Variants in PTPN18 observed in about 807,000 individuals in gnomAD.
PTPN18 encodes the protein protein tyrosine phosphatase non-receptor type 18, also known as tyrosine-protein phosphatase non-receptor type 18.
A neutral mutation model predicts 65.4 loss-of-function variants in PTPN18; 65 were observed. That is an observed-to-expected ratio of 0.99 (90% CI 0.81 to 1.22). The LOEUF (loss-of-function observed/expected upper bound fraction) is 1.22. PTPN18 is among the 50% of genes most tolerant of loss of function. The pLI is 0.00. For missense variants in PTPN18, 616 were observed against 646.5 expected, an observed-to-expected ratio of 0.95 and a Z score of 0.51; for synonymous variants, 255 against 267.8, an observed-to-expected ratio of 0.95 and a Z score of 0.47.
chr2:130,359,308 G>A lies in PTPN18; in HGVS notation c.278G>A (p.Arg93Gln), dbSNP rs766427031. 10 of 1,614,094 alleles carry A rather than the reference G, an allele frequency of 6.2e-6. No individual in the cohort carries two copies. The highest frequency in any genetic ancestry group is 2.2e-5 in the East Asian group (1 of 44,898). ...GACTACATTAATGGCAACTTCATCC[G>A]GGTGAGGGTTGGGGTCACGGAAGGA... ...HSDYINGNFIRGVDGSLAYIA... is the reference protein window; with the variant it reads ...HSDYINGNFIQGVDGSLAYIA... The change falls in exon 3 of 15, where the codon CGG becomes CAG. Residue 93 changes from arginine to glutamine, a missense_variant and splice_region_variant. Around this residue, in one of 3 missense-constraint regions of PTPN18, gnomAD observed 223 missense variants for 210.0 expected, o/e 1.06. Coordinates refer to ENST00000175756, the MANE Select transcript of PTPN18 (RefSeq NM_014369.4).
chr2:130,369,313 G>A (rs1680478678), intron 6 of PTPN18, 112 bp downstream of exon 6: 1 of 982,412 alleles, frequency 1.0e-6, no homozygotes, highest in Non-Finnish European at 1.5e-6. Context: ...GAAACCCTCT[G>A]GTGTTAGCCT....
In PTPN18 at chr2:130,370,896, C is replaced by G. The variant is rs746051601; in HGVS notation, c.856C>G (p.His286Asp). Residue 286 changes from histidine (H) to aspartate (D), a missense_variant, in exon 11 of 15, where the codon CAC (histidine) becomes GAC (aspartate). His to Asp is a moderately conservative substitution (Grantham distance 81). This residue lies in a region of PTPN18 where 368 missense variants were observed against 386.7 expected (regional missense o/e 0.95). Transcript: ENST00000175756. Reference protein sequence around the residue: ...QTEEQYRFLYHTVAQMFCSTL... With the variant: ...QTEEQYRFLYDTVAQMFCSTL... Reference sequence around the variant, plus strand: ...ACAGGAGCAGTACAGGTTCCTGTACCACACGGTGGCTCAGATGTTCTGCTC... The same window carrying G: ...ACAGGAGCAGTACAGGTTCCTGTACGACACGGTGGCTCAGATGTTCTGCTC... The G allele has an allele frequency of 1.2e-6, 2 of 1,614,132 alleles. No individual in the cohort carries two copies. Among genetic ancestry groups the G allele is most frequent in the Non-Finnish European group, 1.7e-6 (2 of 1,180,008 alleles).
At position 130,372,422 on chromosome 2, in the gene PTPN18, G is replaced by A; in HGVS notation, c.1179G>A (p.Thr393=). Residue 393 remains threonine (T), a synonymous_variant, in exon 13 of 15, where the codon ACG becomes ACA. Coordinates refer to ENST00000175756, the MANE Select transcript of PTPN18 (RefSeq NM_014369.4). ...AGGCGCCGCTCTACAGCAAGGTGACGCCGCGCGCCCAGCGACCCGGGGCGC... is the reference window on the plus strand; with the variant it reads ...AGGCGCCGCTCTACAGCAAGGTGACACCGCGCGCCCAGCGACCCGGGGCGC... ...AEEAPLYSKV[T]PRAQRPGAHA... is the part of the protein sequence containing the mutation. 7.3e-7 allele frequency: 1 copy of A among 1,366,644 alleles called. No individual in the cohort carries two copies. The highest frequency in any genetic ancestry group is 1.7e-5 in the South Asian group (1 of 58,664). The allele number at this position is 1,366,644 out of a possible 1,614,324, so 84.7% of individuals were successfully genotyped here.
intron 13 of PTPN18, 143 bp from the exon 14 acceptor site, chr2:130,372,730 C>A: frequency 9.3e-7 from 1 of 1,069,632 alleles, no homozygotes; most frequent in Non-Finnish European, 1.3e-6. Context: ...GGCTGGAGGC[C>A]ACGTCCGGGG....
chr2:130,364,880 A>G (rs765803751), intron 5 of PTPN18, among the ~76,000 whole-genome samples: 3 of 152,252 alleles, frequency 2.0e-5, no homozygotes, highest in Admixed American at 6.5e-5. Flanking sequence ...GTATACACCT[A>G]GCATGGAATT....
intron 5 of PTPN18, chr2:130,359,924 C>G (rs1680142252): frequency 2.0e-6 from 1 of 503,404 alleles, no homozygotes; most frequent in African/African-American, 1.9e-5. Context: ...ATCTCTCTTT[C>G]CACCTCTCTT....
chr2:130,369,751 C>T lies in PTPN18; in HGVS notation c.484-14C>T, dbSNP rs922126115. ...CTCCTCCCTCTTCTTACTTGCCCCA[C>T]CCCCCTTACTCAGATAAAGGAGAAG... On this transcript the variant is annotated splice_polypyrimidine_tract_variant and intron_variant, in intron 6 of 14. Coordinates refer to ENST00000175756, the MANE Select transcript of PTPN18 (RefSeq NM_014369.4). 3.9e-6 allele frequency: 6 copies of T among 1,547,372 alleles called. No individual in the cohort carries two copies. The highest frequency in any genetic ancestry group is 5.2e-6 in the Non-Finnish European group (6 of 1,146,890).
intron 5 of PTPN18, among the ~76,000 whole-genome samples, chr2:130,361,168 G>A (rs1403366819): frequency 6.6e-6 from 1 of 152,094 alleles, no homozygotes; most frequent in Non-Finnish European, 1.5e-5. Flanking sequence ...TTCTCTAAAT[G>A]TATGGATTGC....
rs199768148 is a variant in PTPN18, at chr2:130,370,692, C to G, written c.757-13C>G. Reference sequence around the variant, plus strand: ...CACGTGTCCTGCTCAAGTGCCTTGTCTGTCTGCCCCAGATGATCCCACCTG... The same window carrying G: ...CACGTGTCCTGCTCAAGTGCCTTGTGTGTCTGCCCCAGATGATCCCACCTG... On this transcript the variant is annotated splice_polypyrimidine_tract_variant and intron_variant, in intron 9 of 14. Coordinates refer to ENST00000175756, the MANE Select transcript of PTPN18 (RefSeq NM_014369.4). 1 of 1,614,164 alleles carries G rather than the reference C, an allele frequency of 6.2e-7. No homozygotes were observed. Among genetic ancestry groups the G allele is most frequent in the African/African-American group, 1.3e-5 (1 of 75,068 alleles).
intron 5 of PTPN18, among the ~76,000 whole-genome samples, chr2:130,363,602 CCT>C (rs1491458440): frequency 2.0e-5 from 3 of 152,156 alleles, no homozygotes; most frequent in African/African-American, 7.2e-5. Flanking sequence ...TAATATGTAG[CCT>C]TTTTTTGCTT....
chr2:130,358,282 G>C (rs539483437), intron 1 of PTPN18, among the ~76,000 whole-genome samples: 1 of 152,200 alleles, frequency 6.6e-6, no homozygotes, highest in Non-Finnish European at 1.5e-5. Context: ...TTGAGATTAC[G>C]AATACCTGAC....
chr2:130,372,471 C>T lies in PTPN18; in HGVS notation c.1228C>T (p.Leu410=). 2 of 1,374,752 alleles carry T rather than the reference C, an allele frequency of 1.5e-6. No individual in the cohort carries two copies. The highest frequency in any genetic ancestry group is 1.9e-6 in the Non-Finnish European group (2 of 1,071,692). The allele number at this position is 1,374,752 out of a possible 1,614,324, so 85.2% of individuals were successfully genotyped here. A position where few individuals can be genotyped will look rare whatever the true frequency, so the allele number is the denominator to read the frequency against. Residue 410 remains leucine (L), a synonymous_variant, in exon 13 of 15, where the codon CTG becomes TTG. Coordinates refer to ENST00000175756, the MANE Select transcript of PTPN18 (RefSeq NM_014369.4). ...GAHAEDARGT[L]PGRVPADQSP... ...GCACGCGGAGGACGCGAGGGGGACG[C>T]TGCCTGGCCGCGGTGAGTCGAGGCT...
intron 12 of PTPN18, 130 bp from the exon 13 acceptor site, chr2:130,372,127 A>G: frequency 1.2e-6 from 1 of 841,994 alleles, no homozygotes; most frequent in Non-Finnish European, 1.8e-6. Context: ...CAACCCAAGG[A>G]GCCCTCCCTC....
In PTPN18 at chr2:130,374,578, T is replaced by C. The variant is rs190601744; in HGVS notation, c.*1354T>C. The stretch of plus-strand genomic sequence containing the variant: ...GAGGACACGTCTCTGTGCACTGGTG[T>C]GGACAAATCTCCAAGTCACTGCAAA... On this transcript the variant is annotated 3_prime_UTR_variant, in exon 15 of 15. Coordinates refer to ENST00000175756, the MANE Select transcript of PTPN18 (RefSeq NM_014369.4). 1 of 470,228 alleles carries C rather than the reference T, an allele frequency of 2.1e-6. No homozygotes were observed. The highest frequency in any genetic ancestry group is 2.0e-5 in the African/African-American group (1 of 50,064). The allele number at this position is 470,228 out of a possible 1,614,324, so 29.1% of individuals were successfully genotyped here.
At position 130,369,180 on chromosome 2, in the gene PTPN18, T is replaced by G. The variant is rs774731470; in HGVS notation, c.462T>G (p.Thr154=). 2 of 1,613,376 alleles carry G rather than the reference T, an allele frequency of 1.2e-6. No homozygotes were observed. Among genetic ancestry groups the G allele is most frequent in the Non-Finnish European group, 1.7e-6 (2 of 1,179,634 alleles). ...YWAQEQEPLQ[T]GLFCITLIKE... ...CCCAGGAGCAGGAGCCACTGCAGAC[T>G]GGGCTTTTCTGCATCACTCTGGTGA... Residue 154 remains threonine (T), a synonymous_variant, in exon 6 of 15, where the codon ACT becomes ACG. Transcript: ENST00000175756.
At position 130,374,781 on chromosome 2, in the gene PTPN18, C is replaced by A. The variant is rs886476387; in HGVS notation, c.*1557C>A. On this transcript the variant is annotated 3_prime_UTR_variant, in exon 15 of 15. Coordinates refer to ENST00000175756, the MANE Select transcript of PTPN18 (RefSeq NM_014369.4). ...CCTTCTCTGGGATAGGGCTGGCCTT[C>A]CTCTGCCTCTGCCTGGCTGCATCCA... 4 of 446,736 alleles carry A rather than the reference C, an allele frequency of 9.0e-6. No homozygotes were observed. The highest frequency in any genetic ancestry group is 7.4e-5 in the Admixed American group (3 of 40,478). 27.7% of individuals were successfully genotyped at this position (446,736 alleles called of 1,614,324 possible).
chr2:130,368,304 G>C (rs1333771188), intron 5 of PTPN18, among the ~76,000 whole-genome samples: 4 of 152,170 alleles, frequency 2.6e-5, no homozygotes, highest in Admixed American at 2.6e-4. Flanking sequence ...TTTGAATTTT[G>C]CACAGGTAAG....
rs764295806 is a variant in PTPN18, at chr2:130,358,856, T to G, written c.94-11T>G. 1.9e-6 allele frequency: 3 copies of G among 1,604,564 alleles called. No individual in the cohort carries two copies. Among genetic ancestry groups the G allele is most frequent in the Non-Finnish European group, 2.6e-6 (3 of 1,172,590 alleles). ...TCTCCCCTCCCTGACCCACTCATAA[T>G]GCTCTACCAGGACATCCAGGCCTGC... On this transcript the variant is annotated splice_polypyrimidine_tract_variant and intron_variant, in intron 1 of 14. Coordinates refer to ENST00000175756, the MANE Select transcript of PTPN18 (RefSeq NM_014369.4).
rs1218189201 is a variant in PTPN18 at position 130,372,380 on chromosome 2, G to C, written c.1137G>C (p.Gly379=). The C allele has an allele frequency of 2.2e-6, 3 of 1,364,000 alleles. No individual in the cohort carries two copies. The highest frequency in any genetic ancestry group is 1.7e-5 in the South Asian group (1 of 58,606). 84.5% of individuals were successfully genotyped at this position (1,364,000 alleles called of 1,614,324 possible). A position where few individuals can be genotyped will look rare whatever the true frequency, so the allele number is the denominator to read the frequency against. ...AGACGGGGACGGGGACGGGGACGGG[G>C]GCGCGCAGCGCGGAGGAGGCGCCGC... ...GTQTGTGTGT[G]ARSAEEAPLY... Residue 379 remains glycine, a synonymous_variant, in exon 13 of 15, where the codon GGG becomes GGC. Transcript: ENST00000175756.
Sources: allele counts gnomAD v4.1 joint callset (sites outside exome capture counted in the v4.1 genomes callset), GRCh38; gene constraint gnomAD v4.1.1; regional missense constraint gnomAD v4.1.1; transcripts MANE v1.5; gene names NCBI Gene and HGNC (gene_info 2026-07-23, HGNC 2026-07-21).